RNF217: variants seen among roughly 807,000 people sequenced by gnomAD.
The protein encoded by RNF217 is ring finger protein 217.
In RNF217, 31 loss-of-function variants were observed where a neutral mutation model predicts 57.8. That is an observed-to-expected ratio of 0.54 (90% CI 0.40 to 0.72). RNF217 has a LOEUF of 0.72. Among genes scored for constraint, RNF217 ranks in the 30% least tolerant of loss-of-function variants. The probability of loss-of-function intolerance (pLI) is 0.00; values close to 1 mark genes in which losing one functional copy is unlikely to be tolerated. For missense variants in RNF217, 696 were observed against 708.3 expected (o/e 0.98, Z 0.20); for synonymous variants, 313 against 294.0 (o/e 1.06, Z -0.66).
At chr6:125,012,085 T>A (rs1486213845) in intron 1 of RNF217, among the ~76,000 whole-genome samples, 1 of 152,116 alleles carries the variant, frequency 6.6e-6, no homozygotes, top group African/African-American at 2.4e-5. Flanking sequence ...TCAGAGGTAG[T>A]TTGATATGTA....
intron 1 of RNF217, among the ~76,000 whole-genome samples, chr6:124,994,627 G>C (rs188082083): frequency 1.3e-5 from 2 of 152,198 alleles, no homozygotes; most frequent in East Asian, 3.9e-4. Flanking sequence ...CATGATGTTA[G>C]GTAGATACAA....
At chr6:125,037,201 C>T (rs772044426) in intron 1 of RNF217, among the ~76,000 whole-genome samples, 2 of 151,874 alleles carry the variant, frequency 1.3e-5, no homozygotes, top group Non-Finnish European at 1.5e-5. Flanking sequence ...TAATGTAATT[C>T]CTATAGCTCT....
chr6:125,039,458 T>C (rs2114508650), intron 1 of RNF217, among the ~76,000 whole-genome samples: 1 of 152,202 alleles, frequency 6.6e-6, no homozygotes. Context: ...AACGAGTTCT[T>C]AGAGACCTAC....
intron 1 of RNF217, among the ~76,000 whole-genome samples, chr6:125,002,576 A>G (rs757133491): frequency 1.5e-4 from 23 of 151,918 alleles, no homozygotes; most frequent in Non-Finnish European, 2.9e-4. Flanking sequence ...TTTTAACCTT[A>G]TTATCTACGA....
In RNF217 at chr6:125,057,998, T is replaced by C. The variant is rs772342392; in HGVS notation, c.1173T>C (p.His391=). 2 of 1,613,064 alleles carry C rather than the reference T, an allele frequency of 1.2e-6. No homozygotes were observed. Among genetic ancestry groups the C allele is most frequent in the South Asian group, 1.1e-5 (1 of 90,896 alleles). Residue 391 remains histidine, a synonymous_variant, in exon 3 of 6, where the codon CAT becomes CAC. Coordinates refer to ENST00000521654, the MANE Select transcript of RNF217 (RefSeq NM_001286398.3). ...GTTTTAAGTGCCACTCTCCTTGGCA[T>C]GAAGGTGTTAACTGCAAGGAGTACA... ...VWCFKCHSPW[H]EGVNCKEYKK...
Position 125,085,104 on chromosome 6 carries a change from T to TATGA in RNF217, c.*2167_*2168insATGA. 6.6e-6 allele frequency: 1 copy of TATGA among 152,080 alleles called. No individual in the cohort carries two copies. The allele number at this position is 152,080 out of a possible 1,614,324, so 9.4% of individuals were successfully genotyped here. ...GCCATATACATATATACCAACGGGC[T>TATGA]GAATAACATACTCTTTTGTCTTGGA... On this transcript the variant is annotated 3_prime_UTR_variant, in exon 6 of 6. Coordinates refer to ENST00000521654, the MANE Select transcript of RNF217 (RefSeq NM_001286398.3).
intron 1 of RNF217, chr6:124,983,585 T>C (rs954070802): frequency 9.2e-6 from 7 of 761,876 alleles, no homozygotes; most frequent in Non-Finnish European, 1.1e-5. Flanking sequence ...TAGGCTTCAC[T>C]TTCATAAGGG....
intron 2 of RNF217, chr6:125,046,523 TAATC>T: frequency 2.2e-6 from 1 of 452,254 alleles, no homozygotes; most frequent in South Asian, 1.6e-5. Flanking sequence ...ACCAGGTGAC[TAATC>T]CACAGTAGAG....
intron 1 of RNF217, chr6:125,009,473 GAA>G (rs112538609): frequency 1.7e-5 from 7 of 412,396 alleles, no homozygotes; most frequent in East Asian, 1.1e-4. Flanking sequence ...TAAGAAGGCA[GAA>G]AAAAAAAAGA....
intron 1 of RNF217, among the ~76,000 whole-genome samples, chr6:124,970,602 A>G (rs897164793): frequency 6.6e-6 from 1 of 152,170 alleles, no homozygotes; most frequent in Non-Finnish European, 1.5e-5. Flanking sequence ...TTCAGAAGAG[A>G]GATCTGAGCA....
At chr6:125,033,300 C>T (rs1157995215) in intron 1 of RNF217, among the ~76,000 whole-genome samples, 10 of 143,810 alleles carry the variant, frequency 7.0e-5, no homozygotes, top group South Asian at 2.3e-4. Flanking sequence ...CCCATTAACT[C>T]GTCATTTAGC....
In RNF217 at chr6:125,089,516, C is replaced by T. The variant is rs1270661870; in HGVS notation, c.*6579C>T. 1 of 152,118 alleles carries T rather than the reference C, an allele frequency of 6.6e-6. No homozygotes were observed. Among genetic ancestry groups the T allele is most frequent in the African/African-American group, 2.4e-5 (1 of 41,410 alleles). The allele number at this position is 152,118 out of a possible 1,614,324, so 9.4% of individuals were successfully genotyped here. A position where few individuals can be genotyped will look rare whatever the true frequency, so the allele number is the denominator to read the frequency against. ...ATTTTTAATAATCTAAAGTAGGTCA[C>T]ATTGAATGTAACTGATATTAACCCT... On this transcript the variant is annotated 3_prime_UTR_variant, in exon 6 of 6. Transcript: ENST00000521654.
intron 3 of RNF217, among the ~76,000 whole-genome samples, chr6:125,066,270 T>C (rs1787933175): frequency 6.6e-6 from 1 of 152,140 alleles, no homozygotes; most frequent in African/African-American, 2.4e-5. Flanking sequence ...ATAACGCAGA[T>C]TACATCACTC....
intron 2 of RNF217, among the ~76,000 whole-genome samples, chr6:125,049,613 C>T (rs1173105349): frequency 6.6e-6 from 1 of 151,734 alleles, no homozygotes; most frequent in East Asian, 1.9e-4. Flanking sequence ...GTACCTATGT[C>T]ATAAGAATGT....
In RNF217 at chr6:125,006,393, C is replaced by G. The variant is rs543020790; in HGVS notation, c.883-38818C>G. Reference sequence around the variant, plus strand: ...AGTTAAAATTGTTTAATCTCACTTTCCTAGCATAGTTACTATTATAATATT... The same window carrying G: ...AGTTAAAATTGTTTAATCTCACTTTGCTAGCATAGTTACTATTATAATATT... On this transcript the variant is annotated intron_variant, in intron 1 of 5. Coordinates refer to ENST00000521654, the MANE Select transcript of RNF217 (RefSeq NM_001286398.3). Among the ~76,000 whole-genome samples the G allele has an allele frequency of 7.2e-5, 11 of 152,230 alleles. No homozygotes were observed. The East Asian group carries it at 1.7e-3, about 24-fold the overall frequency.
intron 1 of RNF217, among the ~76,000 whole-genome samples, chr6:124,999,682 T>C (rs536807360): frequency 3.9e-5 from 6 of 152,290 alleles, no homozygotes; most frequent in South Asian, 4.1e-4. Context: ...TGATGAAAAC[T>C]GCTTTGAAAA....
At chr6:125,054,333 G>A (rs489245) in intron 2 of RNF217, among the ~76,000 whole-genome samples, 4,648 of 152,256 alleles carry the variant, frequency 0.031, 238 homozygotes, top group African/African-American at 0.1. Context: ...TTTAGTCTAA[G>A]GCTCCATGGG....
intron 1 of RNF217, among the ~76,000 whole-genome samples, chr6:125,025,210 A>T (rs952086823): frequency 4.6e-5 from 7 of 152,140 alleles, no homozygotes; most frequent in Non-Finnish European, 8.8e-5. Context: ...TTTTGTAGAG[A>T]ATGACTGAAA....
At chr6:124,991,363 G>A (rs1207272189) in intron 1 of RNF217, among the ~76,000 whole-genome samples, 3 of 152,104 alleles carry the variant, frequency 2.0e-5, no homozygotes, top group Non-Finnish European at 4.4e-5. Flanking sequence ...TCTGTTTCCA[G>A]TCTGTGCTCA....
Sources: gnomAD v4.1 joint callset for allele counts (sites outside exome capture counted in the v4.1 genomes callset) on GRCh38, gnomAD v4.1.1 for gene constraint, MANE v1.5 for transcripts, NCBI Gene and HGNC (gene_info 2026-07-23, HGNC 2026-07-21) for gene names.